The following NAV1 variants were observed in gnomAD, a reference collection of about 807,000 sequenced individuals.
NAV1 encodes neuron navigator 1.
Under a neutral mutation model 175.2 loss-of-function variants are expected in NAV1, and 18 were observed. That is an observed-to-expected ratio of 0.10 (90% confidence interval 0.07 to 0.15). The LOEUF (loss-of-function observed/expected upper bound fraction) is 0.15. Ranked by LOEUF, NAV1 falls within the 10% of genes least tolerant of loss-of-function variation. The pLI is 1.00. For synonymous variants in NAV1, 897 were observed against 978.7 expected (o/e 0.92, Z 1.56); for missense variants, 1,731 against 2,436.6 (o/e 0.71, Z 6.10).
chr1:201,824,571 GA>G, exon 30 of NAV1: 1 of 152,208 alleles, frequency 6.6e-6, no homozygotes, highest in Non-Finnish European at 1.5e-5. Context: ...ATGTAGCCTT[GA>G]AGGGAGGATA....
chr1:201,631,266 G>A (rs1462202016), intron 2 of NAV1, among the ~76,000 whole-genome samples: 1 of 152,184 alleles, frequency 6.6e-6, no homozygotes, highest in African/African-American at 2.4e-5. Flanking sequence ...TGGGGAGAGA[G>A]ATTTCGGATT....
intron 3 of NAV1, chr1:201,723,488 C>G (rs1672476534): frequency 6.6e-6 from 1 of 152,136 alleles, no homozygotes; most frequent in African/African-American, 2.4e-5. Context: ...CTTTGAGTGT[C>G]ATATCTAAGA....
At chr1:201,644,887 C>T (rs908981181), upstream of NAV1, among the ~76,000 whole-genome samples, 1 of 152,004 alleles carries the variant, frequency 6.6e-6, no homozygotes, top group African/African-American at 2.4e-5. Context: ...AGGGACCAGG[C>T]CAAAACACCA....
rs967638835 is a variant in NAV1 at position 201,787,702 on chromosome 1, A to G, written c.2996-766A>G. ...CACCTGCCTGTATGGAGGCAGAAGA[A>G]TAGACAAGGGAGCTCCTTGTGGGTA... is the stretch of plus-strand genomic sequence containing the variant. On this transcript the variant is annotated intron_variant, in intron 9 of 29. Coordinates refer to ENST00000367296, the Ensembl canonical transcript of NAV1. This position sits in a 1 kb window ranked among gnomAD's most constrained non-coding sequence, Gnocchi z 4.3. 8.8e-6 allele frequency: 4 copies of G among 456,168 alleles called. No homozygotes were observed. Among genetic ancestry groups the G allele is most frequent in the African/African-American group, 8.0e-5 (4 of 50,082 alleles). The allele number at this position is 456,168 out of a possible 1,614,324, so 28.3% of individuals were successfully genotyped here. A position where few individuals can be genotyped will look rare whatever the true frequency, so the allele number is the denominator to read the frequency against.
At chr1:201,809,593 C>A in intron 22 of NAV1, 56 bp downstream of exon 26, 1 of 1,522,460 alleles carries the variant, frequency 6.6e-7, no homozygotes, top group Non-Finnish European at 9.0e-7. Flanking sequence ...AATATATATA[C>A]TTTTTTAGAG....
intron 15 of NAV1, among the ~76,000 whole-genome samples, chr1:201,799,381 A>G (rs1377556143): frequency 3.9e-5 from 6 of 152,240 alleles, no homozygotes; most frequent in Admixed American, 3.9e-4. Flanking sequence ...TAACTTGGCA[A>G]GGAGGATTTC....
At chr1:201,564,130 G>C (rs942876674) in intron 1 of NAV1, among the ~76,000 whole-genome samples, 3 of 150,740 alleles carry the variant, frequency 2.0e-5, no homozygotes, top group Non-Finnish European at 4.4e-5. Flanking sequence ...AAAGAAGGAG[G>C]GAGGGAGGGA....
At chr1:201,545,473 C>G (rs916366561) in intron 1 of NAV1, among the ~76,000 whole-genome samples, 14 of 152,060 alleles carry the variant, frequency 9.2e-5, no homozygotes, top group African/African-American at 3.4e-4. Flanking sequence ...TACATGTTGG[C>G]CAGGCTGGTC....
At position 201,718,944 on chromosome 1, in the gene NAV1, G is replaced by T. The variant is rs1672253566; in HGVS notation, c.1226+189G>T. 6.6e-6 allele frequency among the ~76,000 whole-genome samples: 1 copy of T among 152,064 alleles called. No homozygotes were observed. The highest frequency in any genetic ancestry group is 1.5e-5 in the Non-Finnish European group (1 of 68,024). On this transcript the variant is annotated intron_variant, in intron 3 of 29. Coordinates refer to ENST00000367296, the Ensembl canonical transcript of NAV1. The surrounding 1 kb of genome is among the most constrained non-coding windows in gnomAD (Gnocchi z 4.8). ...TCGATGTGGTTTATTCTAGACTTGG[G>T]TGTGGTGTAGGCAGGGCCTACATCC...
At position 201,812,167 on chromosome 1, in the gene NAV1, G is replaced by A. The variant is rs1317544218; in HGVS notation, c.5024+193G>A. On this transcript the variant is annotated intron_variant, in intron 26 of 29. Transcript: ENST00000367296. This position sits in a 1 kb window ranked among gnomAD's most constrained non-coding sequence, Gnocchi z 4.6. ...GGACACTTGAGGAGAGAAAAGGCCT[G>A]CTAAGCTAAGAGAGAGCCAGGTAGG... 6.6e-6 allele frequency among the ~76,000 whole-genome samples: 1 copy of A among 152,220 alleles called. No homozygotes were observed. Among genetic ancestry groups the A allele is most frequent in the African/African-American group, 2.4e-5 (1 of 41,452 alleles).
chr1:201,790,652 C>T, intron 12 of NAV1, 37 bp from the exon 17 acceptor site: 1 of 1,613,906 alleles, frequency 6.2e-7, no homozygotes, highest in Non-Finnish European at 8.5e-7. Flanking sequence ...TATACAGCTT[C>T]TGCAGCCAGT....
At chr1:201,590,304 GC>G (rs1283857974) in intron 2 of NAV1, among the ~76,000 whole-genome samples, 1 of 152,150 alleles carries the variant, frequency 6.6e-6, no homozygotes, top group Admixed American at 6.5e-5. Flanking sequence ...TGTAACCAGG[GC>G]CCTCTGATCT....
chr1:201,794,519 C>T (rs1432004690), exon 15 of NAV1: 22 of 1,613,852 alleles, frequency 1.4e-5, no homozygotes, highest in Non-Finnish European at 1.9e-5. Flanking sequence ...AGAAAAAGAA[C>T]TCTGAGGCCC....
Position 201,813,123 on chromosome 1 carries a change from C to A in NAV1, c.5222-17C>A. 3 of 1,585,332 alleles carry A rather than the reference C, an allele frequency of 1.9e-6. No homozygotes were observed. Among genetic ancestry groups the A allele is most frequent in the Non-Finnish European group, 2.6e-6 (3 of 1,154,356 alleles). ...CTAGGTTCCCAGCCATCTTCATGGC[C>A]CCATCCTCTTCCCTAGGCCCTTGCT... On this transcript the variant is annotated splice_polypyrimidine_tract_variant and intron_variant, in intron 27 of 29. Coordinates refer to ENST00000367296, the Ensembl canonical transcript of NAV1. The surrounding 1 kb of genome is among the most constrained non-coding windows in gnomAD (Gnocchi z 4.2).
intron 2 of NAV1, among the ~76,000 whole-genome samples, chr1:201,599,504 T>C (rs1180001480): frequency 6.6e-6 from 1 of 152,168 alleles, no homozygotes; most frequent in Non-Finnish European, 1.5e-5. Flanking sequence ...AAGGGTTTCA[T>C]GAGGTCCTGA....
Position 201,762,967 on chromosome 1 carries a change from A to T in NAV1, c.1227-17454A>T, listed in dbSNP as rs1571467466. Among the ~76,000 whole-genome samples the T allele has an allele frequency of 2.6e-5, 4 of 152,210 alleles. No homozygotes were observed. The East Asian group carries it at 7.7e-4, about 29-fold the overall frequency. ...CAAAAATCCTTAAAATGGGACATCT[A>T]TGTGGGTTTTAGAAAGAGAAAAAAA... On this transcript the variant is annotated intron_variant, in intron 3 of 29. Transcript: ENST00000367296.
At chr1:201,648,731 C>G (rs1048882565) in exon 1 of NAV1, 2 of 1,415,014 alleles carry the variant, frequency 1.4e-6, no homozygotes, top group Non-Finnish European at 1.8e-6. Flanking sequence ...GCGGCGGCGA[C>G]GAGGGCGCGG....
At position 201,810,737 on chromosome 1, in the gene NAV1, C is replaced by T. The variant is rs1356067378; in HGVS notation, c.4776C>T (p.Asn1592=). The change falls in exon 24 of 30, where the codon AAC becomes AAT. Residue 1592 remains asparagine, a synonymous_variant. Transcript: ENST00000367296. The surrounding 1 kb of genome is among the most constrained non-coding windows in gnomAD (Gnocchi z 6.0). ...CAGAGGGCATCGTCAGCACCTTCAA[C>T]ATGCACCAGCAGTCTTGCAAGGTGG... is the stretch of plus-strand genomic sequence containing the variant. 6.2e-7 allele frequency: 1 copy of T among 1,614,084 alleles called. No individual in the cohort carries two copies. Among genetic ancestry groups the T allele is most frequent in the Admixed American group, 1.7e-5 (1 of 60,024 alleles).
At chr1:201,779,576 G>T (rs1317905485) in intron 3 of NAV1, among the ~76,000 whole-genome samples, 1 of 116,290 alleles carries the variant, frequency 8.6e-6, no homozygotes, top group Non-Finnish European at 1.6e-5. Flanking sequence ...CCAGCCTGGG[G>T]CAACAGAGCA....
Sources: gnomAD v4.1 joint callset for allele counts (sites outside exome capture counted in the v4.1 genomes callset) on GRCh38, gnomAD v4.1.1 for gene constraint, Gnocchi (gnomAD v3.1) non-coding constraint, MANE v1.5 for transcripts, NCBI Gene and HGNC (gene_info 2026-07-23, HGNC 2026-07-21) for gene names.